The following ZBTB38 variants were observed in gnomAD, a reference collection of about 807,000 sequenced individuals.
The protein encoded by ZBTB38 is zinc finger and BTB domain-containing protein 38.
In ZBTB38, 20 loss-of-function variants were observed where a neutral mutation model predicts 76.8. The ratio of observed to expected loss-of-function variants is 0.26; its 90% CI spans 0.18 to 0.38. The LOEUF is 0.38. Ranked by LOEUF, ZBTB38 falls within the 10% of genes least tolerant of loss-of-function variation. The pLI, the probability that ZBTB38 is intolerant of heterozygous loss-of-function variation, is 1.00. For missense variants in ZBTB38, 1,082 were observed against 1,482.3 expected (o/e 0.73, Z 4.43); for synonymous variants, 504 against 544.2 (o/e 0.93, Z 1.03).
chr3:141,407,804 T>A (rs1229106425), intron 5 of ZBTB38, among the ~76,000 whole-genome samples: 2 of 152,242 alleles, frequency 1.3e-5, no homozygotes, highest in African/African-American at 4.8e-5. Context: ...TCAACTCCTG[T>A]TTCTACTAGA....
chr3:141,335,617 C>T (rs1323209833), intron 1 of ZBTB38, among the ~76,000 whole-genome samples: 2 of 152,222 alleles, frequency 1.3e-5, no homozygotes, highest in Non-Finnish European at 1.5e-5. Context: ...ACAGGCCTTC[C>T]GTGGCTGCTG....
intron 4 of ZBTB38, chr3:141,389,620 G>A (rs777222389): frequency 5.9e-5 from 9 of 152,078 alleles, no homozygotes; most frequent in Non-Finnish European, 1.3e-4. Context: ...AGCATTAACA[G>A]TTGCAATAGG....
At chr3:141,331,591 GT>G (rs1375637391) in intron 1 of ZBTB38, among the ~76,000 whole-genome samples, 6 of 152,106 alleles carry the variant, frequency 3.9e-5, no homozygotes, top group Admixed American at 3.3e-4. Context: ...AGGAATTACT[GT>G]ATTTTTGTGT....
intron 5 of ZBTB38, among the ~76,000 whole-genome samples, chr3:141,439,931 A>G (rs1460732492): frequency 6.6e-6 from 1 of 152,228 alleles, no homozygotes; most frequent in East Asian, 1.9e-4. Context: ...AAGGCAAAAG[A>G]AACATCAGCA....
At chr3:141,371,041 C>CTTTGTTTTTTT (rs1944488920) in intron 2 of ZBTB38, among the ~76,000 whole-genome samples, 1 of 75,458 alleles carries the variant, frequency 1.3e-5, no homozygotes, top group Non-Finnish European at 2.7e-5. Flanking sequence ...TCTTTTCTTT[C>CTTTGTTTTTTT]TTTCTTTTTT....
intron 1 of ZBTB38, among the ~76,000 whole-genome samples, chr3:141,325,337 T>G (rs2148866099): frequency 6.6e-6 from 1 of 152,344 alleles, no homozygotes; most frequent in African/African-American, 2.4e-5. Context: ...TTTTTTAGTA[T>G]CAGTCTTTCA....
In ZBTB38 at chr3:141,413,862, C is replaced by T. The variant is rs1013363178; in HGVS notation, c.-1+9831C>T. Among the ~76,000 whole-genome samples the T allele has an allele frequency of 5.3e-5, 8 of 152,194 alleles. No homozygotes were observed. Among genetic ancestry groups the T allele is most frequent in the Admixed American group, 1.3e-4 (2 of 15,286 alleles). On this transcript the variant is annotated intron_variant, in intron 5 of 5. Coordinates refer to ENST00000321464, the MANE Select transcript of ZBTB38 (RefSeq NM_001376113.1). This position sits in a 1 kb window ranked among gnomAD's most constrained non-coding sequence, Gnocchi z 4.1. The stretch of plus-strand genomic sequence containing the variant: ...CTGCCACTCTGTCTCTGAAGATTTA[C>T]GTAGAGAAATTTTCCCCATAGGAAT...
At chr3:141,431,987 T>C in intron 5 of ZBTB38, 1 of 621,958 alleles carries the variant, frequency 1.6e-6, no homozygotes, top group Non-Finnish European at 2.0e-6. Context: ...TGTTTTGTAA[T>C]CTGTTTTCGA....
intron 1 of ZBTB38, among the ~76,000 whole-genome samples, chr3:141,363,365 G>A (rs1317439068): frequency 1.3e-5 from 2 of 152,180 alleles, no homozygotes; most frequent in African/African-American, 4.8e-5. Flanking sequence ...CAAAACCCCA[G>A]CTGTATTTTT....
chr3:141,393,672 G>C (rs948647168), intron 4 of ZBTB38, among the ~76,000 whole-genome samples: 2 of 152,162 alleles, frequency 1.3e-5, no homozygotes, highest in African/African-American at 4.8e-5. Context: ...AAGAAAGAGG[G>C]AACAAAGGAA....
chr3:141,391,806 AT>A (rs1331034427), intron 4 of ZBTB38, among the ~76,000 whole-genome samples: 3 of 152,150 alleles, frequency 2.0e-5, no homozygotes, highest in African/African-American at 7.2e-5. Flanking sequence ...TGGCCAGTAG[AT>A]TGTCTTAGTC....
chr3:141,407,118 A>G (rs1031500133), intron 5 of ZBTB38, among the ~76,000 whole-genome samples: 3 of 152,264 alleles, frequency 2.0e-5, no homozygotes, highest in Non-Finnish European at 4.4e-5. Context: ...ATCCCTTAAT[A>G]GAATTGAGTC....
At position 141,337,454 on chromosome 3, in the gene ZBTB38, C is replaced by T. The variant is rs1200069735; in HGVS notation, c.-739+12998C>T. ...GACAAAAGCTGAGGTCATTTTGAATCATCCCCTCCAACCCTGCCGCAGTCC... is the reference window on the plus strand; with the variant it reads ...GACAAAAGCTGAGGTCATTTTGAATTATCCCCTCCAACCCTGCCGCAGTCC... On this transcript the variant is annotated intron_variant, in intron 1 of 7. Transcript: ENST00000509842. Among the ~76,000 whole-genome samples, 3 of 152,238 alleles carry T rather than the reference C, an allele frequency of 2.0e-5. No homozygotes were observed. In the East Asian group the frequency reaches 5.8e-4, roughly 29 times the overall value.
chr3:141,344,713 T>C (rs895503174), intron 1 of ZBTB38, among the ~76,000 whole-genome samples: 2 of 152,226 alleles, frequency 1.3e-5, no homozygotes, highest in African/African-American at 4.8e-5. Context: ...TTCTCTGACC[T>C]TTCTTCATAG....
chr3:141,327,648 A>G (rs964526504), intron 1 of ZBTB38, among the ~76,000 whole-genome samples: 2 of 152,194 alleles, frequency 1.3e-5, no homozygotes, highest in Admixed American at 1.3e-4. Flanking sequence ...ACACTAGTTA[A>G]AAACTAAGGA....
chr3:141,342,597 G>T lies in ZBTB38; in HGVS notation c.-739+18141G>T, dbSNP rs140214616. ...GGTGACACTTGAGAACATAGCTGCG[G>T]TTGAGAAGCGGGTGCCACACCCAGA... On this transcript the variant is annotated intron_variant, in intron 1 of 7. Coordinates refer to the ZBTB38 transcript ENST00000509842. Among the ~76,000 whole-genome samples the T allele has an allele frequency of 3.7e-3, 563 of 152,176 alleles. 1 individual carries two copies. The highest frequency in any genetic ancestry group is 0.011 in the African/African-American group (470 of 41,508).
In ZBTB38 at chr3:141,443,487, AC is replaced by A; in HGVS notation, c.1102del (p.Gln368ArgfsTer4). The A allele has an allele frequency of 6.2e-7, 1 of 1,614,190 alleles. No homozygotes were observed. Among genetic ancestry groups the A allele is most frequent in the Non-Finnish European group, 8.5e-7 (1 of 1,180,036 alleles). On this transcript the variant is annotated frameshift_variant, in exon 6 of 6. Coordinates refer to ENST00000321464, the MANE Select transcript of ZBTB38 (RefSeq NM_001376113.1). LOFTEE classifies it high-confidence loss of function. The surrounding 1 kb of genome is among the most constrained non-coding windows in gnomAD (Gnocchi z 5.6). ...LSAHMQLHKP[T>X]QEPLVCKYCN... ...TGCCCACATGCAGCTTCACAAGCCA[AC>A]CCAGGAGCCTTTAGTGTGCAAGTAT...
intron 5 of ZBTB38, among the ~76,000 whole-genome samples, chr3:141,417,422 T>C (rs1471490882): frequency 6.6e-6 from 1 of 152,214 alleles, no homozygotes; most frequent in Admixed American, 6.5e-5. Flanking sequence ...ACCAGCTCTT[T>C]GATCTGGGCT....
chr3:141,354,130 A>G (rs1257703348), intron 1 of ZBTB38, among the ~76,000 whole-genome samples: 1 of 152,188 alleles, frequency 6.6e-6, no homozygotes, highest in Non-Finnish European at 1.5e-5. Flanking sequence ...TGCACAATAC[A>G]CACAATGCTT....
Sources: allele counts gnomAD v4.1 joint callset (sites outside exome capture counted in the v4.1 genomes callset), GRCh38; gene constraint gnomAD v4.1.1; non-coding constraint Gnocchi (gnomAD v3.1); transcripts MANE v1.5; gene names NCBI Gene and HGNC (gene_info 2026-07-23, HGNC 2026-07-21).